Variants in BORCS7 observed in about 807,000 individuals in gnomAD.
BORCS7 encodes BLOC-1 related complex subunit 7.
A neutral mutation model predicts 17.5 loss-of-function variants in BORCS7; 20 were observed. That is an observed-to-expected ratio of 1.14 (90% confidence interval 0.80 to 1.66). The LOEUF is 1.66. Among genes scored for constraint, BORCS7 ranks in the 40% most tolerant of loss-of-function variants. The pLI is 0.00. For synonymous variants in BORCS7, 57 were observed against 49.8 expected (o/e 1.14, Z -0.61); for missense variants, 122 against 129.7 (o/e 0.94, Z 0.29).
Position 102,854,416 on chromosome 10 carries a change from C to A in BORCS7, c.130C>A (p.Arg44=). 1 of 1,539,768 alleles carries A rather than the reference C, an allele frequency of 6.5e-7. No homozygotes were observed. The highest frequency in any genetic ancestry group is 1.2e-5 in the South Asian group (1 of 83,928). ...ALTKQVLKGS[R]SSELLGQAAR... ...CACCAAGCAGGTGCTGAAAGGCTCCCGGAGCTCCGAGGTGAGCTGGAAGTG... is the reference window on the plus strand; with the variant it reads ...CACCAAGCAGGTGCTGAAAGGCTCCAGGAGCTCCGAGGTGAGCTGGAAGTG... The change falls in exon 1 of 5, where the codon CGG becomes AGG. Residue 44 remains arginine (R), a synonymous_variant. Coordinates refer to ENST00000339834, the MANE Select transcript of BORCS7 (RefSeq NM_001136200.2).
At chr10:102,857,899 A>C (rs1196342739) in intron 1 of BORCS7, among the ~76,000 whole-genome samples, 1 of 152,148 alleles carries the variant, frequency 6.6e-6, no homozygotes, top group Admixed American at 6.5e-5. Flanking sequence ...ACGGTGGCTC[A>C]TGCTTATAAT....
chr10:102,855,059 G>A (rs1844405437), intron 1 of BORCS7, among the ~76,000 whole-genome samples: 2 of 148,204 alleles, frequency 1.3e-5, no homozygotes, highest in South Asian at 4.2e-4. Context: ...CATAATAAAC[G>A]TACATTTATT....
At chr10:102,858,190 TAGA>T (rs1844459983) in intron 1 of BORCS7, among the ~76,000 whole-genome samples, 1 of 135,016 alleles carries the variant, frequency 7.4e-6, no homozygotes, top group Non-Finnish European at 1.6e-5. Context: ...TATATATATA[TAGA>T]GAGAGAGAGC....
chr10:102,862,961 A>T lies in BORCS7; in HGVS notation c.*37A>T. On this transcript the variant is annotated 3_prime_UTR_variant, in exon 5 of 5. Coordinates refer to ENST00000339834, the MANE Select transcript of BORCS7 (RefSeq NM_001136200.2). ...AGAGTGCTGTAGGACTCCTTTGCCTAATGCTGAGGAGTAAATACCTTACAC... is the reference window on the plus strand; with the variant it reads ...AGAGTGCTGTAGGACTCCTTTGCCTTATGCTGAGGAGTAAATACCTTACAC... 6.6e-7 allele frequency: 1 copy of T among 1,504,192 alleles called. No homozygotes were observed. Among genetic ancestry groups the T allele is most frequent in the Non-Finnish European group, 9.3e-7 (1 of 1,079,982 alleles). 93.2% of individuals were successfully genotyped at this position (1,504,192 alleles called of 1,614,324 possible). A position where few individuals can be genotyped will look rare whatever the true frequency, so the allele number is the denominator to read the frequency against.
chr10:102,860,500 T>G lies in BORCS7; in HGVS notation c.207T>G (p.Ser69Arg). The change falls in exon 3 of 5, where the codon AGT becomes AGG. Residue 69 changes from serine to arginine, a missense_variant and splice_region_variant. Ser to Arg is a moderately radical substitution (Grantham distance 110). Coordinates refer to ENST00000339834, the MANE Select transcript of BORCS7 (RefSeq NM_001136200.2). ...QEDAILHSEDSLRKMAIITTH... is the reference protein window; with the variant it reads ...QEDAILHSEDRLRKMAIITTH... ...TTCTCTCTCTCTTTTTTATGCAGAGTTTAAGGAAGATGGCAATAATAACAA... is the reference window on the plus strand; with the variant it reads ...TTCTCTCTCTCTTTTTTATGCAGAGGTTAAGGAAGATGGCAATAATAACAA... The G allele has an allele frequency of 6.2e-7, 1 of 1,613,122 alleles. No individual in the cohort carries two copies. The highest frequency in any genetic ancestry group is 8.5e-7 in the Non-Finnish European group (1 of 1,179,238).
chr10:102,863,022 C>T lies in BORCS7; in HGVS notation c.*98C>T. On this transcript the variant is annotated 3_prime_UTR_variant, in exon 5 of 5. Coordinates refer to ENST00000339834, the MANE Select transcript of BORCS7 (RefSeq NM_001136200.2). ...TGGGTTTGGTTTTCTATTTTCTTCT[C>T]CAAAAGTTAAGTTAGAAAAGTTCTG... 2 of 1,179,968 alleles carry T rather than the reference C, an allele frequency of 1.7e-6. No individual in the cohort carries two copies. Among genetic ancestry groups the T allele is most frequent in the South Asian group, 1.3e-5 (1 of 79,970 alleles). 73.1% of individuals were successfully genotyped at this position (1,179,968 alleles called of 1,614,324 possible).
intron 1 of BORCS7, among the ~76,000 whole-genome samples, chr10:102,856,464 G>A (rs765836495): frequency 3.9e-5 from 6 of 152,024 alleles, no homozygotes; most frequent in Admixed American, 6.6e-5. Flanking sequence ...TTGCAACTAC[G>A]TAATTTAATG....
At chr10:102,858,164 C>CAAAA (rs778132309) in intron 1 of BORCS7, among the ~76,000 whole-genome samples, 8,568 of 110,494 alleles carry the variant, frequency 0.078, 386 homozygotes, top group East Asian at 0.22. Context: ...GACCATGTCT[C>CAAAA]AAAAAAAAAA....
At chr10:102,860,678 CG>C in intron 3 of BORCS7, 137 bp downstream of exon 3, 1 of 872,462 alleles carries the variant, frequency 1.1e-6, no homozygotes, top group Non-Finnish European at 1.8e-6. Context: ...ATGACTTTCT[CG>C]ATGGCAAAGA....
chr10:102,857,453 A>G (rs1304793210), intron 1 of BORCS7, among the ~76,000 whole-genome samples: 1 of 152,234 alleles, frequency 6.6e-6, no homozygotes, highest in Non-Finnish European at 1.5e-5. Context: ...CAGGAGGAAC[A>G]GGTACTCTCA....
rs777898696 is a variant in BORCS7 at position 102,862,971 on chromosome 10, A to T, written c.*47A>T. On this transcript the variant is annotated 3_prime_UTR_variant, in exon 5 of 5. Coordinates refer to ENST00000339834, the MANE Select transcript of BORCS7 (RefSeq NM_001136200.2). ...AGGACTCCTTTGCCTAATGCTGAGGAGTAAATACCTTACACAGCTGTCCTC... is the reference window on the plus strand; with the variant it reads ...AGGACTCCTTTGCCTAATGCTGAGGTGTAAATACCTTACACAGCTGTCCTC... 1.4e-6 allele frequency: 2 copies of T among 1,444,790 alleles called. No individual in the cohort carries two copies. The highest frequency in any genetic ancestry group is 2.3e-5 in the South Asian group (2 of 87,370). The allele number at this position is 1,444,790 out of a possible 1,614,324, so 89.5% of individuals were successfully genotyped here. A position where few individuals can be genotyped will look rare whatever the true frequency, so the allele number is the denominator to read the frequency against.
Position 102,860,515 on chromosome 10 carries a change from A to G in BORCS7, c.222A>G (p.Ala74=). ...TTATGCAGAGTTTAAGGAAGATGGC[A>G]ATAATAACAACACATCTTCAATACC... ...LHSEDSLRKM[A]IITTHLQYQQ... Residue 74 remains alanine (A), a synonymous_variant, in exon 3 of 5, where the codon GCA becomes GCG. Coordinates refer to ENST00000339834, the MANE Select transcript of BORCS7 (RefSeq NM_001136200.2). 6.2e-7 allele frequency: 1 copy of G among 1,613,336 alleles called. No homozygotes were observed. The highest frequency in any genetic ancestry group is 1.1e-5 in the South Asian group (1 of 91,066).
intron 3 of BORCS7, among the ~76,000 whole-genome samples, chr10:102,861,958 G>A (rs1564787387): frequency 6.6e-6 from 1 of 152,124 alleles, no homozygotes; most frequent in African/African-American, 2.4e-5. Context: ...GTTACTATCT[G>A]TTTGGGTTTA....
chr10:102,857,427 C>T (rs1844445215), intron 1 of BORCS7, among the ~76,000 whole-genome samples: 1 of 152,052 alleles, frequency 6.6e-6, no homozygotes, highest in Admixed American at 6.6e-5. Context: ...TTGAAGTTTA[C>T]CCTTAAAAGT....
rs1449147735 is a variant in BORCS7, at chr10:102,864,566, T to C, written c.*1642T>C. 6.6e-6 allele frequency: 1 copy of C among 152,132 alleles called. No homozygotes were observed. Among genetic ancestry groups the C allele is most frequent in the East Asian group, 1.9e-4 (1 of 5,200 alleles). 9.4% of individuals were successfully genotyped at this position (152,132 alleles called of 1,614,324 possible). On this transcript the variant is annotated 3_prime_UTR_variant, in exon 5 of 5. Transcript: ENST00000339834. ...TTAAAGAAGCAGTGATTGCTTACAA[T>C]GTATGTGATAAAATAATACCTTTCA...
At chr10:102,857,206 A>G (rs542183666) in intron 1 of BORCS7, among the ~76,000 whole-genome samples, 152 of 152,260 alleles carry the variant, frequency 1.0e-3, no homozygotes, top group Non-Finnish European at 1.7e-3. Flanking sequence ...ATGCTTCCCC[A>G]TCAGCACTTA....
At chr10:102,860,443 T>C (rs759098060) in intron 2 of BORCS7, 49 bp downstream of exon 2, 3 of 1,610,530 alleles carry the variant, frequency 1.9e-6, no homozygotes, top group Non-Finnish European at 2.5e-6. Context: ...GTATATGGTT[T>C]GTGTGGCCAC....
chr10:102,856,198 T>C lies in BORCS7; in HGVS notation c.141+1771T>C, dbSNP rs142754002. On this transcript the variant is annotated intron_variant, in intron 1 of 4. Transcript: ENST00000339834. ...AGGCTTGTCTCTTGCATGCCTGCGC[T>C]TCTCCTCCTCCATTTGAGTTGTGTG... 1.8e-3 allele frequency among the ~76,000 whole-genome samples: 269 copies of C among 152,312 alleles called. 4 individuals are homozygous for C. In the Middle Eastern group the frequency reaches 0.051, roughly 29 times the overall value.
chr10:102,862,842 A>C lies in BORCS7; in HGVS notation c.270-31A>C, dbSNP rs765265093. ...AGATGTCTTTATTATTGCTCATTTC[A>C]GATAAACCCTGTCTCTATTCTAATT... On this transcript the variant is annotated intron_variant, in intron 4 of 4. Coordinates refer to ENST00000339834, the MANE Select transcript of BORCS7 (RefSeq NM_001136200.2). The C allele has an allele frequency of 1.2e-5, 19 of 1,580,300 alleles. No individual in the cohort carries two copies. In the African/African-American group the frequency reaches 2.3e-4, roughly 19 times the overall value.
Sources: gnomAD v4.1 joint callset for allele counts (sites outside exome capture counted in the v4.1 genomes callset) on GRCh38, gnomAD v4.1.1 for gene constraint, MANE v1.5 for transcripts, NCBI Gene and HGNC (gene_info 2026-07-23, HGNC 2026-07-21) for gene names.